HS6ST3: variants seen among roughly 807,000 people sequenced by gnomAD.
The protein encoded by HS6ST3 is heparan-sulfate 6-O-sulfotransferase 3.
HS6ST3 carries 12 observed loss-of-function variants against 36.7 expected under a neutral mutation model. That is an observed-to-expected ratio of 0.33 (90% CI 0.21 to 0.53). The LOEUF is 0.53. HS6ST3 is among the 20% of genes least tolerant of loss of function. HS6ST3 has a pLI of 0.95. For missense variants in HS6ST3, 584 were observed against 640.9 expected (o/e 0.91, Z 0.96); for synonymous variants, 240 against 257.5 (o/e 0.93, Z 0.65).
At chr13:96,349,748 T>C (rs2139430391) in intron 1 of HS6ST3, among the ~76,000 whole-genome samples, 1 of 152,346 alleles carries the variant, frequency 6.6e-6, no homozygotes, top group East Asian at 1.9e-4. Context: ...AGAAAAATTT[T>C]ACAAAGGAAA....
intron 1 of HS6ST3, among the ~76,000 whole-genome samples, chr13:96,181,987 G>A (rs1474007177): frequency 6.6e-6 from 1 of 152,088 alleles, no homozygotes; most frequent in East Asian, 1.9e-4. Flanking sequence ...CACCTACCCT[G>A]TTTTGTTTTA....
intron 1 of HS6ST3, among the ~76,000 whole-genome samples, chr13:96,611,107 ATTTTTAT>A (rs1273002907): frequency 1.4e-5 from 2 of 147,360 alleles, no homozygotes; most frequent in East Asian, 4.0e-4. Flanking sequence ...TTCTTTTTTT[ATTTTTAT>A]TTTTTATTTT....
intron 1 of HS6ST3, among the ~76,000 whole-genome samples, chr13:96,149,858 TA>T (rs2054076165): frequency 6.6e-6 from 1 of 152,236 alleles, no homozygotes; most frequent in Non-Finnish European, 1.5e-5. Flanking sequence ...TTTCTTAAGA[TA>T]TCTGAGAATG....
chr13:96,101,172 T>C (rs759009150), intron 1 of HS6ST3, among the ~76,000 whole-genome samples: 29 of 152,200 alleles, frequency 1.9e-4, no homozygotes, highest in Non-Finnish European at 4.0e-4. Context: ...AACACACATT[T>C]TATAAATTTG....
At chr13:96,658,497 G>A (rs1244302916) in intron 1 of HS6ST3, among the ~76,000 whole-genome samples, 1 of 150,606 alleles carries the variant, frequency 6.6e-6, no homozygotes, top group Non-Finnish European at 1.5e-5. Flanking sequence ...TGGTCAGGAT[G>A]GTCTCGAACT....
At chr13:96,407,110 G>T (rs2055482434) in intron 1 of HS6ST3, among the ~76,000 whole-genome samples, 1 of 152,180 alleles carries the variant, frequency 6.6e-6, no homozygotes, top group Non-Finnish European at 1.5e-5. Flanking sequence ...TCTTTGAAAT[G>T]AATGTATTTG....
At chr13:96,455,967 G>A (rs949546559) in intron 1 of HS6ST3, among the ~76,000 whole-genome samples, 1 of 152,144 alleles carries the variant, frequency 6.6e-6, no homozygotes, top group Non-Finnish European at 1.5e-5. Flanking sequence ...CTTGAGTTGA[G>A]TATTCACAAT....
chr13:96,690,815 A>G (rs1405562365), intron 1 of HS6ST3, among the ~76,000 whole-genome samples: 1 of 68,142 alleles, frequency 1.5e-5, no homozygotes, highest in Non-Finnish European at 3.0e-5. Flanking sequence ...GATATAAGGA[A>G]ATAATCTGAA....
At chr13:96,334,814 T>C (rs566796276) in intron 1 of HS6ST3, among the ~76,000 whole-genome samples, 50 of 152,140 alleles carry the variant, frequency 3.3e-4, no homozygotes, top group Non-Finnish European at 6.2e-4. Context: ...AGATGAGACT[T>C]GGGTGGAGAC....
chr13:96,310,465 A>G (rs1291632982), intron 1 of HS6ST3, among the ~76,000 whole-genome samples: 1 of 152,206 alleles, frequency 6.6e-6, no homozygotes, highest in Non-Finnish European at 1.5e-5. Context: ...GATTCTAAAA[A>G]TGGGCTGGAA....
chr13:96,104,991 A>G (rs1415709187), intron 1 of HS6ST3, among the ~76,000 whole-genome samples: 1 of 152,092 alleles, frequency 6.6e-6, no homozygotes, highest in Non-Finnish European at 1.5e-5. Flanking sequence ...TGGAAAGGAC[A>G]CAATAATGTA....
At chr13:96,367,825 C>A (rs566832386) in intron 1 of HS6ST3, among the ~76,000 whole-genome samples, 1 of 152,144 alleles carries the variant, frequency 6.6e-6, no homozygotes, top group South Asian at 2.1e-4. Flanking sequence ...GGTTTTGTAA[C>A]CTAATCTATT....
At chr13:96,644,550 G>C (rs952612085) in intron 1 of HS6ST3, among the ~76,000 whole-genome samples, 3 of 152,024 alleles carry the variant, frequency 2.0e-5, no homozygotes, top group Non-Finnish European at 4.4e-5. Context: ...ATCTGCCAGG[G>C]CTCATGTGAG....
intron 1 of HS6ST3, among the ~76,000 whole-genome samples, chr13:96,108,680 GA>G (rs1462829578): frequency 6.6e-6 from 1 of 152,110 alleles, no homozygotes; most frequent in East Asian, 1.9e-4. Context: ...AAATAGAAAA[GA>G]ACCCATGTTA....
chr13:96,633,712 A>G (rs1397199869), intron 1 of HS6ST3, among the ~76,000 whole-genome samples: 1 of 152,112 alleles, frequency 6.6e-6, no homozygotes, highest in Non-Finnish European at 1.5e-5. Context: ...TGTGTTCACC[A>G]CTCACCTTAG....
chr13:96,585,785 A>G (rs865787606), intron 1 of HS6ST3, among the ~76,000 whole-genome samples: 3 of 152,154 alleles, frequency 2.0e-5, no homozygotes, highest in Admixed American at 2.0e-4. Flanking sequence ...CAAGGTTTCC[A>G]TATATTTTAT....
intron 1 of HS6ST3, among the ~76,000 whole-genome samples, chr13:96,790,395 A>T (rs539528519): frequency 1.3e-4 from 20 of 151,964 alleles, no homozygotes; most frequent in African/African-American, 4.8e-4. Flanking sequence ...CTCAATGGGG[A>T]TAACACGTAA....
intron 1 of HS6ST3, among the ~76,000 whole-genome samples, chr13:96,515,034 G>C (rs1290487496): frequency 1.3e-5 from 2 of 152,182 alleles, no homozygotes; most frequent in Admixed American, 1.3e-4. Context: ...TGTCTTCTCT[G>C]AAATTGTCAA....
At position 96,331,952 on chromosome 13, in the gene HS6ST3, C is replaced by A. The variant is rs773828533; in HGVS notation, c.707+240383C>A. Among the ~76,000 whole-genome samples, 13 of 152,194 alleles carry A rather than the reference C, an allele frequency of 8.5e-5. No individual in the cohort carries two copies. In the East Asian group the frequency reaches 9.7e-4, roughly 11 times the overall value. ...GGGAGTGACCAGATTTTCCAGGTGC[C>A]GTCAGTCACCCCTTTCTTTGACTCG... On this transcript the variant is annotated intron_variant, in intron 1 of 1. Coordinates refer to ENST00000376705, the MANE Select transcript of HS6ST3 (RefSeq NM_153456.4).
Sources: allele counts gnomAD v4.1 joint callset (sites outside exome capture counted in the v4.1 genomes callset), GRCh38; gene constraint gnomAD v4.1.1; transcripts MANE v1.5; gene names NCBI Gene and HGNC (gene_info 2026-07-23, HGNC 2026-07-21).